CHD9: variants seen among roughly 807,000 people sequenced by gnomAD.
The protein encoded by CHD9 is chromodomain helicase DNA binding protein 9.
Under a neutral mutation model 316.1 loss-of-function variants are expected in CHD9, and 77 were observed. That is an observed-to-expected ratio of 0.24 (90% CI 0.20 to 0.29). The LOEUF is 0.29. Among genes scored for constraint, CHD9 ranks in the 10% least tolerant of loss-of-function variants. CHD9 has a pLI of 1.00. For synonymous variants in CHD9, 1,129 were observed against 1,158.3 expected (o/e 0.97, Z 0.51); for missense variants, 2,763 against 3,438.1 (o/e 0.80, Z 4.91).
At chr16:53,315,084 A>G (rs759455314) in intron 36 of CHD9, 40 bp downstream of exon 36, 7 of 1,429,404 alleles carry the variant, frequency 4.9e-6, no homozygotes, top group African/African-American at 2.8e-5. Context: ...TTTTATTTTT[A>G]TGAGTTGTCA....
Position 53,155,372 on chromosome 16 carries a change from A to G in CHD9, c.-164-554A>G, listed in dbSNP as rs530285616. Among the ~76,000 whole-genome samples, 4 of 151,906 alleles carry G rather than the reference A, an allele frequency of 2.6e-5. No individual in the cohort carries two copies. The East Asian group carries it at 7.8e-4, about 29-fold the overall frequency. On this transcript the variant is annotated intron_variant, in intron 1 of 38. Coordinates refer to ENST00000447540, the MANE Select transcript of CHD9 (RefSeq NM_001308319.2). ...CAGGTAGCTGAGACTACAGGTACAC[A>G]CCACCATGGCCGAGTAGTTTTGAAA...
chr16:53,210,799 T>G (rs1330509110), intron 3 of CHD9, among the ~76,000 whole-genome samples: 1 of 152,104 alleles, frequency 6.6e-6, no homozygotes, highest in African/African-American at 2.4e-5. Flanking sequence ...CTTAGCATTT[T>G]AAATGTAACC....
chr16:53,283,004 T>G (rs1238801866), intron 24 of CHD9, among the ~76,000 whole-genome samples: 1 of 152,196 alleles, frequency 6.6e-6, no homozygotes, highest in Non-Finnish European at 1.5e-5. Context: ...CTGTAGCCCA[T>G]GTCTCTCTTC....
chr16:53,144,482 TA>T (rs2040400197), intron 1 of CHD9, among the ~76,000 whole-genome samples: 1 of 152,108 alleles, frequency 6.6e-6, no homozygotes, highest in African/African-American at 2.4e-5. Context: ...TGTCCTACTT[TA>T]AAAATGTTTG....
intron 2 of CHD9, among the ~76,000 whole-genome samples, chr16:53,196,424 A>G (rs991342229): frequency 2.0e-5 from 3 of 152,178 alleles, no homozygotes; most frequent in Non-Finnish European, 4.4e-5. Context: ...TTTGCCACAT[A>G]GCCTGTGGTA....
intron 1 of CHD9, among the ~76,000 whole-genome samples, chr16:53,055,887 G>T (rs984039866): frequency 1.3e-5 from 2 of 152,210 alleles, no homozygotes; most frequent in Admixed American, 1.3e-4. Context: ...GGGTTTATGG[G>T]TAGGAAGGGG....
At chr16:53,223,878 C>T (rs1457010000) in intron 4 of CHD9, among the ~76,000 whole-genome samples, 2 of 151,876 alleles carry the variant, frequency 1.3e-5, no homozygotes, top group African/African-American at 2.4e-5. Flanking sequence ...AGCTTTTAAC[C>T]ACGTTGGAAA....
intron 25 of CHD9, 49 bp from the exon 26 acceptor site, chr16:53,286,177 C>T: frequency 2.8e-6 from 3 of 1,070,656 alleles, no homozygotes; most frequent in Non-Finnish European, 4.3e-6. Context: ...TATGTATACA[C>T]CTTTCTTCTT....
chr16:53,324,039 T>C lies in CHD9; in HGVS notation c.7838T>C (p.Met2613Thr). 1 of 1,610,142 alleles carries C rather than the reference T, an allele frequency of 6.2e-7. No individual in the cohort carries two copies. Among genetic ancestry groups the C allele is most frequent in the South Asian group, 1.1e-5 (1 of 91,032 alleles). ...VKQSGFLPES[M>T]YERILTGPVV... ...TTCCAGGGATTTCTTCCAGAAAGCA[T>C]GTATGAACGTATTCTCACTGGTCCC... is the stretch of plus-strand genomic sequence containing the variant. Residue 2613 changes from methionine to threonine, a missense_variant, in exon 39 of 39, where the codon ATG (methionine) becomes ACG (threonine). This residue lies in a region of CHD9 where 298 missense variants were observed against 380.2 expected (regional missense o/e 0.78). Coordinates refer to ENST00000447540, the MANE Select transcript of CHD9 (RefSeq NM_001308319.2).
chr16:53,168,398 A>G (rs967308203), intron 2 of CHD9: 1 of 152,116 alleles, frequency 6.6e-6, no homozygotes, highest in African/African-American at 2.4e-5. Context: ...TACCCACATT[A>G]TTTGAGTTTT....
intron 1 of CHD9, among the ~76,000 whole-genome samples, chr16:53,074,111 TG>T (rs1455113995): frequency 6.6e-6 from 1 of 152,210 alleles, no homozygotes; most frequent in African/African-American, 2.4e-5. Context: ...AGGAACTTGT[TG>T]GGAACTGGAG....
intron 29 of CHD9, among the ~76,000 whole-genome samples, chr16:53,293,768 T>C (rs1037519757): frequency 6.6e-6 from 1 of 151,668 alleles, no homozygotes; most frequent in Non-Finnish European, 1.5e-5. Context: ...CTCGCTAACA[T>C]GGCAAAACCC....
chr16:53,191,209 T>C (rs940193307), intron 2 of CHD9, among the ~76,000 whole-genome samples: 1 of 152,166 alleles, frequency 6.6e-6, no homozygotes, highest in African/African-American at 2.4e-5. Flanking sequence ...TACCTACTTT[T>C]TTCTTTATGG....
In CHD9 at chr16:53,307,998, G is replaced by A. The variant is rs763242994; in HGVS notation, c.7053+45G>A. ...CCTAGGGCCTGATTGCGATTGCGGT[G>A]TGCAGCATGCTTTTCCTGCAAATGG... On this transcript the variant is annotated intron_variant, in intron 33 of 38. Transcript: ENST00000447540. 8.6e-6 allele frequency: 13 copies of A among 1,504,544 alleles called. No homozygotes were observed. In the African/African-American group the frequency reaches 1.7e-4, roughly 19 times the overall value. The allele number at this position is 1,504,544 out of a possible 1,614,324, so 93.2% of individuals were successfully genotyped here.
At chr16:53,222,231 C>T (rs578175351) in intron 3 of CHD9, among the ~76,000 whole-genome samples, 2 of 152,084 alleles carry the variant, frequency 1.3e-5, no homozygotes, top group South Asian at 2.1e-4. Flanking sequence ...TGCCTGCCAC[C>T]ACGCCTGACT....
chr16:53,313,282 A>G (rs915541865), intron 34 of CHD9, among the ~76,000 whole-genome samples: 1 of 151,784 alleles, frequency 6.6e-6, no homozygotes, highest in African/African-American at 2.4e-5. Flanking sequence ...TCAGTCTTTT[A>G]AAAGTTCTGA....
At chr16:53,133,087 C>T (rs1336646333) in intron 1 of CHD9, among the ~76,000 whole-genome samples, 1 of 152,096 alleles carries the variant, frequency 6.6e-6, no homozygotes, top group Non-Finnish European at 1.5e-5. Flanking sequence ...ATAATGTAGA[C>T]GTGAAGTCTG....
chr16:53,209,312 T>A (rs1443773520), intron 2 of CHD9, among the ~76,000 whole-genome samples, 170 bp from the exon 3 acceptor site: 1 of 152,354 alleles, frequency 6.6e-6, no homozygotes, highest in African/African-American at 2.4e-5. Context: ...GCTGTTTATA[T>A]CTGTACTAAT....
At chr16:53,058,365 C>A (rs1251852967) in intron 1 of CHD9, among the ~76,000 whole-genome samples, 2 of 152,172 alleles carry the variant, frequency 1.3e-5, no homozygotes, top group African/African-American at 4.8e-5. Flanking sequence ...AGGTGATCAC[C>A]CACTTTGGCC....
Sources: gnomAD v4.1 joint callset for allele counts (sites outside exome capture counted in the v4.1 genomes callset) on GRCh38, gnomAD v4.1.1 for gene constraint, gnomAD v4.1.1 regional missense constraint, MANE v1.5 for transcripts, NCBI Gene and HGNC (gene_info 2026-07-23, HGNC 2026-07-21) for gene names.